HTR2C: variants seen among roughly 807,000 people sequenced by gnomAD.
The protein encoded by HTR2C is 5-hydroxytryptamine receptor 2C.
Under a neutral mutation model 21.0 loss-of-function variants are expected in HTR2C, and 5 were observed. The ratio of observed to expected loss-of-function variants is 0.24; its 90% CI spans 0.12 to 0.50. HTR2C has a LOEUF of 0.50. Among genes scored for constraint, HTR2C ranks in the 20% least tolerant of loss-of-function variants. The pLI is 0.98. For synonymous variants in HTR2C, 150 were observed against 145.3 expected, an observed-to-expected ratio of 1.03 and a Z score of -0.23; for missense variants, 271 against 371.2, an observed-to-expected ratio of 0.73 and a Z score of 2.22.
At chrX:114,778,564 G>A (rs2070083255) in intron 4 of HTR2C, among the ~76,000 whole-genome samples, 1 of 105,582 alleles carries the variant, frequency 9.5e-6, no homozygotes, top group African/African-American at 3.4e-5. Context: ...AAAAAAAACA[G>A]GCAAAAACTG....
At chrX:114,805,588 C>T (rs2070396843) in intron 4 of HTR2C, among the ~76,000 whole-genome samples, 2 of 81,246 alleles carry the variant, frequency 2.5e-5, no homozygotes, top group Admixed American at 1.6e-4. Context: ...TATATATACA[C>T]CATATATATA....
intron 4 of HTR2C, among the ~76,000 whole-genome samples, chrX:114,764,931 TCC>T (rs2069929795): frequency 9.3e-5 from 3 of 32,189 alleles, no homozygotes; most frequent in East Asian, 9.3e-4. Context: ...TTCTTTTCCT[TCC>T]TTCCTTCCTT....
intron 5 of HTR2C, among the ~76,000 whole-genome samples, chrX:114,875,453 G>A (rs1036790731): frequency 9.0e-6 from 1 of 110,995 alleles, no homozygotes; most frequent in Non-Finnish European, 1.9e-5. Context: ...TGTTACCTGT[G>A]CTTTTGGTGT....
intron 5 of HTR2C, among the ~76,000 whole-genome samples, chrX:114,904,170 G>A (rs1206786658): frequency 9.0e-6 from 1 of 111,645 alleles, no homozygotes; most frequent in African/African-American, 3.3e-5. Flanking sequence ...ATGTTACTCT[G>A]TTTCAGAAAG....
At chrX:114,728,666 T>C (rs2069506103) in intron 3 of HTR2C, among the ~76,000 whole-genome samples, 1 of 111,423 alleles carries the variant, frequency 9.0e-6, no homozygotes, top group African/African-American at 3.3e-5. Context: ...AATTCAGTAT[T>C]TGTCTTACAG....
In HTR2C at chrX:114,865,015, T is replaced by G. The variant is rs200699347; in HGVS notation, c.550+16812T>G. Among the ~76,000 whole-genome samples the G allele has an allele frequency of 2.8e-4, 31 of 109,562 alleles. No individual in the cohort carries two copies. The East Asian group carries it at 4.6e-3, about 16-fold the overall frequency. On this transcript the variant is annotated intron_variant, in intron 5 of 5. Coordinates refer to ENST00000276198, the MANE Select transcript of HTR2C (RefSeq NM_000868.4). ...CTAATGGGGATTCCCTTATATGGAC[T>G]CAGGATCATGAAAACATCCATCCCC... is the stretch of plus-strand genomic sequence containing the variant.
intron 2 of HTR2C, among the ~76,000 whole-genome samples, chrX:114,696,621 G>GT (rs199524362): frequency 9.5e-5 from 10 of 105,261 alleles, no homozygotes; most frequent in African/African-American, 2.1e-4. Context: ...CAGATAACAG[G>GT]TTTTTTTTTT....
At chrX:114,726,123 A>G (rs782766543) in intron 2 of HTR2C, among the ~76,000 whole-genome samples, 2,321 of 111,939 alleles carry the variant, frequency 0.021, 32 homozygotes, top group Non-Finnish European at 0.028. Context: ...CCTCACTGCC[A>G]CCTTGCAGTT....
chrX:114,763,103 G>T, intron 4 of HTR2C: 1 of 126,041 alleles, frequency 7.9e-6, no homozygotes. Context: ...CTACCACTGG[G>T]CATCCATCAT....
intron 2 of HTR2C, among the ~76,000 whole-genome samples, chrX:114,641,032 CT>C (rs1569480546): frequency 7.8e-3 from 59 of 7,578 alleles, no homozygotes; most frequent in Non-Finnish European, 0.018. Flanking sequence ...TTCTTTCTTC[CT>C]TTCTTTCTTT....
At chrX:114,824,158 A>G (rs1360941770) in intron 4 of HTR2C, among the ~76,000 whole-genome samples, 1 of 111,811 alleles carries the variant, frequency 8.9e-6, no homozygotes, top group East Asian at 2.8e-4. Flanking sequence ...TTGCAAAGGG[A>G]GAAAGTTAGC....
intron 5 of HTR2C, among the ~76,000 whole-genome samples, chrX:114,902,833 A>T (rs1278176008): frequency 9.1e-6 from 1 of 110,436 alleles, no homozygotes; most frequent in Non-Finnish European, 1.9e-5. Flanking sequence ...CTGGTCTTGA[A>T]CTCCTGACTT....
intron 2 of HTR2C, among the ~76,000 whole-genome samples, chrX:114,678,908 G>A (rs1012188296): frequency 2.7e-4 from 30 of 111,439 alleles, no homozygotes; most frequent in African/African-American, 9.4e-4. Flanking sequence ...AATTAACAGG[G>A]TTCTGTTCCC....
intron 4 of HTR2C, among the ~76,000 whole-genome samples, chrX:114,830,843 C>T (rs1248630129): frequency 1.1e-4 from 2 of 18,224 alleles, no homozygotes; most frequent in Non-Finnish European, 2.8e-4. Flanking sequence ...CTATCCCTCC[C>T]CCCTCCCCCC....
In HTR2C at chrX:114,725,521, A is replaced by G. The variant is rs192690400; in HGVS notation, c.-79-1337A>G. ...GGAGCCTTCTTCTCTCAGCTCGTCA[A>G]AGTCATTCTCCATCCAGCTTTCTTC... On this transcript the variant is annotated intron_variant, in intron 2 of 5. Coordinates refer to ENST00000276198, the MANE Select transcript of HTR2C (RefSeq NM_000868.4). 6.2e-3 allele frequency among the ~76,000 whole-genome samples: 701 copies of G among 112,168 alleles called. 5 individuals carry two copies. Among genetic ancestry groups the G allele is most frequent in the African/African-American group, 0.022 (666 of 30,828 alleles).
chrX:114,829,476 T>G (rs2070702928), intron 4 of HTR2C, among the ~76,000 whole-genome samples: 1 of 89,389 alleles, frequency 1.1e-5, no homozygotes, highest in Admixed American at 1.4e-4. Flanking sequence ...GAAAAAATTT[T>G]TAATTTAATG....
intron 1 of HTR2C, among the ~76,000 whole-genome samples, chrX:114,594,956 A>C (rs946262736): frequency 9.0e-6 from 1 of 111,681 alleles, no homozygotes; most frequent in Non-Finnish European, 1.9e-5. Flanking sequence ...CAGTCACAGA[A>C]TATCCTTATT....
chrX:114,663,488 T>C (rs1320069088), intron 2 of HTR2C, among the ~76,000 whole-genome samples: 1 of 112,117 alleles, frequency 8.9e-6, no homozygotes, highest in Non-Finnish European at 1.9e-5. Context: ...CATTTATTCT[T>C]GCAAAGTAAA....
At chrX:114,714,603 A>G (rs1556419537) in intron 2 of HTR2C, among the ~76,000 whole-genome samples, 1 of 112,346 alleles carries the variant, frequency 8.9e-6, no homozygotes, top group Admixed American at 9.5e-5. Context: ...GGTGAATGCT[A>G]TGTTTTATAT....
Sources: gnomAD v4.1 joint callset for allele counts (sites outside exome capture counted in the v4.1 genomes callset) on GRCh38, gnomAD v4.1.1 for gene constraint, MANE v1.5 for transcripts, NCBI Gene and HGNC (gene_info 2026-07-23, HGNC 2026-07-21) for gene names.